ATL1: variants seen among roughly 807,000 people sequenced by gnomAD.
ATL1 encodes atlastin-1.
In ATL1, 31 loss-of-function variants were observed where a neutral mutation model predicts 75.5. That is an observed-to-expected ratio of 0.41 (90% CI 0.31 to 0.55). The LOEUF (loss-of-function observed/expected upper bound fraction) is 0.55, where lower values mean the gene tolerates loss of function less well. Ranked by LOEUF, ATL1 falls within the 20% of genes least tolerant of loss-of-function variation. The pLI, the probability that ATL1 is intolerant of heterozygous loss-of-function variation, is 0.27. For missense variants in ATL1, 405 were observed against 662.6 expected, an observed-to-expected ratio of 0.61 and a Z score of 4.27; for synonymous variants, 226 against 233.3, an observed-to-expected ratio of 0.97 and a Z score of 0.28.
intron 1 of ATL1, among the ~76,000 whole-genome samples, chr14:50,540,294 C>T (rs541981331): frequency 3.9e-5 from 6 of 152,266 alleles, no homozygotes; most frequent in African/African-American, 1.4e-4. Flanking sequence ...TACTTAAGTG[C>T]CATTTGACAT....
chr14:50,631,259 C>G (rs1245161031), intron 13 of ATL1, among the ~76,000 whole-genome samples: 1 of 133,546 alleles, frequency 7.5e-6, no homozygotes, highest in East Asian at 2.1e-4. Context: ...GATTCCAACT[C>G]AAAAAGTAAA....
chr14:50,619,113 C>T (rs1442990162), intron 8 of ATL1, among the ~76,000 whole-genome samples: 1 of 152,028 alleles, frequency 6.6e-6, no homozygotes, highest in Non-Finnish European at 1.5e-5. Flanking sequence ...AGTGCAGTGG[C>T]GTGATCTCAG....
chr14:50,550,608 T>C (rs1047143072), intron 1 of ATL1, among the ~76,000 whole-genome samples: 1 of 152,188 alleles, frequency 6.6e-6, no homozygotes, highest in African/African-American at 2.4e-5. Flanking sequence ...GAAGGCCTGA[T>C]TGCCAGTGCA....
chr14:50,629,496 G>A (rs776686288), intron 12 of ATL1, among the ~76,000 whole-genome samples: 34 of 150,082 alleles, frequency 2.3e-4, no homozygotes, highest in Non-Finnish European at 4.1e-4. Flanking sequence ...CAGGAGAATC[G>A]CTTGAACCCA....
chr14:50,620,382 G>A (rs2140232217), intron 8 of ATL1, among the ~76,000 whole-genome samples: 1 of 152,280 alleles, frequency 6.6e-6, no homozygotes, highest in South Asian at 2.1e-4. Context: ...CTTATAGGTG[G>A]AAGACAAGAT....
At chr14:50,572,444 T>A (rs1304036252) in intron 1 of ATL1, among the ~76,000 whole-genome samples, 3 of 152,092 alleles carry the variant, frequency 2.0e-5, no homozygotes, top group Admixed American at 2.0e-4. Context: ...GTAATTTACA[T>A]TTTTCTTGAA....
intron 1 of ATL1, among the ~76,000 whole-genome samples, chr14:50,534,931 T>G (rs1418090842): frequency 1.3e-5 from 2 of 152,242 alleles, no homozygotes; most frequent in African/African-American, 4.8e-5. Context: ...AAGCAAACAA[T>G]TTCAAGGTTG....
At position 50,587,910 on chromosome 14, in the gene ATL1, C is replaced by T. The variant is rs1566722936; in HGVS notation, c.114C>T (p.Leu38=). Residue 38 remains leucine (L), a synonymous_variant, in exon 2 of 14, where the codon CTC becomes CTT. Transcript: ENST00000358385. ...AAAAGGCAGGACCAGTCCAAGTCCT[C>T]ATTGTCAAAGATGACCATTCCTTTG... ...PVKKAGPVQV[L]IVKDDHSFEL... is the part of the protein sequence containing the mutation. The T allele has an allele frequency of 1.2e-6, 2 of 1,614,100 alleles. No individual in the cohort carries two copies. Among genetic ancestry groups the T allele is most frequent in the Non-Finnish European group, 8.5e-7 (1 of 1,180,026 alleles).
chr14:50,612,437 G>A (rs2039375038), intron 6 of ATL1, among the ~76,000 whole-genome samples: 1 of 152,106 alleles, frequency 6.6e-6, no homozygotes, highest in Non-Finnish European at 1.5e-5. Context: ...TTAAACACAT[G>A]ACTCCCAGCT....
chr14:50,590,886 G>GA, intron 2 of ATL1, 55 bp from the exon 3 acceptor site: 2 of 1,577,488 alleles, frequency 1.3e-6, no homozygotes, highest in Non-Finnish European at 1.7e-6. Flanking sequence ...TGAATGAATG[G>GA]AAAAAACTAT....
intron 1 of ATL1, among the ~76,000 whole-genome samples, chr14:50,547,294 G>A (rs1030827265): frequency 2.6e-5 from 4 of 152,054 alleles, no homozygotes; most frequent in South Asian, 2.1e-4. Flanking sequence ...ATTATTTTAG[G>A]TACTCAGTGA....
At chr14:50,543,345 AT>A (rs1182058905) in intron 1 of ATL1, among the ~76,000 whole-genome samples, 5 of 152,204 alleles carry the variant, frequency 3.3e-5, no homozygotes, top group African/African-American at 1.2e-4. Context: ...ATTTCACTAG[AT>A]TCCTTTCATT....
At chr14:50,617,103 T>C (rs2039422835) in intron 8 of ATL1, among the ~76,000 whole-genome samples, 1 of 152,244 alleles carries the variant, frequency 6.6e-6, no homozygotes, top group Non-Finnish European at 1.5e-5. Context: ...TTATCAATAG[T>C]AACCATTGTT....
At chr14:50,547,550 C>T (rs1464404768) in intron 1 of ATL1, among the ~76,000 whole-genome samples, 1 of 152,164 alleles carries the variant, frequency 6.6e-6, no homozygotes, top group Non-Finnish European at 1.5e-5. Flanking sequence ...ATACTGCCTA[C>T]CAGGGGAAGA....
intron 6 of ATL1, among the ~76,000 whole-genome samples, chr14:50,601,087 A>G (rs2039267872): frequency 6.6e-6 from 1 of 152,178 alleles, no homozygotes; most frequent in Non-Finnish European, 1.5e-5. Context: ...CAGCCTGGGC[A>G]ACAGAGTGAG....
chr14:50,598,749 A>G (rs1043718417), intron 6 of ATL1, among the ~76,000 whole-genome samples: 2 of 152,214 alleles, frequency 1.3e-5, no homozygotes, highest in African/African-American at 2.4e-5. Flanking sequence ...GAGGTCCTAC[A>G]CAGATACAAG....
At chr14:50,570,663 C>T (rs1248358790) in intron 1 of ATL1, among the ~76,000 whole-genome samples, 1 of 152,148 alleles carries the variant, frequency 6.6e-6, no homozygotes, top group Non-Finnish European at 1.5e-5. Context: ...ATTTATAAGA[C>T]AGTGGTTTTA....
intron 1 of ATL1, among the ~76,000 whole-genome samples, chr14:50,574,908 AGT>A (rs35304376): frequency 0.024 from 1,254 of 51,744 alleles, 10 homozygotes; most frequent in African/African-American, 0.035. Context: ...TTCAATACTG[AGT>A]GTGTGTGTGT....
At chr14:50,533,212 G>C (rs56833390) in exon 1 of ATL1, 1 of 152,196 alleles carries the variant, frequency 6.6e-6, no homozygotes, top group Non-Finnish European at 1.5e-5. Context: ...GTGTCTCATC[G>C]CTGGTATTGC....
Sources: gnomAD v4.1 joint callset for allele counts (sites outside exome capture counted in the v4.1 genomes callset) on GRCh38, gnomAD v4.1.1 for gene constraint, MANE v1.5 for transcripts, NCBI Gene and HGNC (gene_info 2026-07-23, HGNC 2026-07-21) for gene names.